ARL13B: variants seen among roughly 807,000 people sequenced by gnomAD.
ARL13B encodes ARF like GTPase 13B.
In ARL13B, 36 loss-of-function variants were observed where a neutral mutation model predicts 56.1. The ratio of observed to expected loss-of-function variants is 0.64; its 90% confidence interval spans 0.49 to 0.85. The LOEUF (loss-of-function observed/expected upper bound fraction) is 0.85, where lower values mean the gene tolerates loss of function less well. ARL13B is among the 40% of genes least tolerant of loss of function. The pLI is 0.00. For synonymous variants in ARL13B, 178 were observed against 171.1 expected, an observed-to-expected ratio of 1.04 and a Z score of -0.32; for missense variants, 519 against 507.1, an observed-to-expected ratio of 1.02 and a Z score of -0.23.
chr3:94,005,628 T>C (rs2076121005), intron 3 of ARL13B, among the ~76,000 whole-genome samples: 1 of 152,234 alleles, frequency 6.6e-6, no homozygotes, highest in African/African-American at 2.4e-5. Flanking sequence ...TTAGTGAGAA[T>C]TCACAAAGAT....
intron 3 of ARL13B, among the ~76,000 whole-genome samples, chr3:94,020,284 G>A (rs1176128539): frequency 6.6e-6 from 1 of 152,100 alleles, no homozygotes; most frequent in African/African-American, 2.4e-5. Flanking sequence ...CACTAAGTGT[G>A]TTTTATGTTC....
At chr3:94,052,928 T>C (rs2077089382) in intron 9 of ARL13B, among the ~76,000 whole-genome samples, 1 of 152,060 alleles carries the variant, frequency 6.6e-6, no homozygotes, top group African/African-American at 2.4e-5. Context: ...ATAAGTAATA[T>C]GTGATTAATG....
chr3:94,050,791 CA>C (rs2077054496), intron 8 of ARL13B, 32 bp from the exon 9 acceptor site: 5 of 1,586,946 alleles, frequency 3.2e-6, no homozygotes, highest in Non-Finnish European at 4.3e-6. Context: ...CCTTGTTTAA[CA>C]GTGTTTTTTA....
chr3:94,029,293 A>G (rs1277621488), intron 3 of ARL13B, among the ~76,000 whole-genome samples: 7 of 132,450 alleles, frequency 5.3e-5, no homozygotes, highest in South Asian at 2.4e-4. Context: ...TGCTGTATCT[A>G]TCAAAATCAT....
rs759625669 is a variant in ARL13B, at chr3:94,003,730, A to G, written c.202A>G (p.Thr68Ala). The G allele has an allele frequency of 1.2e-6, 2 of 1,613,596 alleles. No homozygotes were observed. ...INLRQGKFEV[T>A]IFDLGGGIRI... ...CCTTAGACAAGGAAAGTTTGAAGTC[A>G]CCATCTTTGACTTGGGAGGTGGAAT... is the stretch of plus-strand genomic sequence containing the variant. The change falls in exon 3 of 10, where the codon ACC (threonine) becomes GCC (alanine). Residue 68 changes from threonine (T) to alanine (A), a missense_variant. Coordinates refer to ENST00000394222, the MANE Select transcript of ARL13B (RefSeq NM_001174150.2).
In ARL13B at chr3:93,980,430, A is replaced by AGTTG. The variant is rs1350882093; in HGVS notation, c.9_10insTGGT (p.Leu4TrpfsTer28). The AGTTG allele has an allele frequency of 3.1e-6, 5 of 1,612,652 alleles. No individual in the cohort carries two copies. Among genetic ancestry groups the AGTTG allele is most frequent in the Non-Finnish European group, 4.2e-6 (5 of 1,179,968 alleles). ...GTGGGAGGAGCGACCCGGGATGTTC[A>AGTTG]GTCTGATGGCCAGTTGCTGCGGCTG... On this transcript the variant is annotated frameshift_variant, in exon 1 of 10. Transcript: ENST00000394222. LOFTEE classifies it high-confidence loss of function.
intron 9 of ARL13B, among the ~76,000 whole-genome samples, chr3:94,051,521 A>T (rs1022792291): frequency 1.3e-5 from 2 of 152,152 alleles, no homozygotes; most frequent in African/African-American, 4.8e-5. Flanking sequence ...AAACTAGAGG[A>T]AGGATATTTA....
chr3:94,003,535 A>T, intron 2 of ARL13B, 124 bp from the exon 3 acceptor site: 2 of 1,128,536 alleles, frequency 1.8e-6, no homozygotes, highest in Non-Finnish European at 2.5e-6. Flanking sequence ...GTATGCTTCA[A>T]AATAATGTTT....
chr3:93,981,629 C>G (rs1384900411), intron 1 of ARL13B, among the ~76,000 whole-genome samples: 1 of 151,976 alleles, frequency 6.6e-6, no homozygotes, highest in Non-Finnish European at 1.5e-5. Flanking sequence ...CGCCTGTAAT[C>G]CCAGCACTTT....
At chr3:94,006,174 AGTCCCAG>A (rs2076131538) in intron 3 of ARL13B, among the ~76,000 whole-genome samples, 1 of 152,088 alleles carries the variant, frequency 6.6e-6, no homozygotes, top group South Asian at 2.1e-4. Flanking sequence ...GCGCGCCTGT[AGTCCCAG>A]CTACTCGGGA....
chr3:94,023,933 C>T (rs2076503351), intron 3 of ARL13B, among the ~76,000 whole-genome samples: 1 of 152,088 alleles, frequency 6.6e-6, no homozygotes, highest in Admixed American at 6.6e-5. Flanking sequence ...GATCACTTTA[C>T]ACTATAAAAG....
At chr3:94,029,339 TTTTTTTTTTA>T (rs2076627705) in intron 3 of ARL13B, among the ~76,000 whole-genome samples, 1 of 45,720 alleles carries the variant, frequency 2.2e-5, no homozygotes, top group East Asian at 4.0e-4. Context: ...TATATATTTA[TTTTTTTTTTA>T]TTTTTTTTTT....
intron 6 of ARL13B, among the ~76,000 whole-genome samples, chr3:94,040,242 C>CA (rs1336280862): frequency 3.9e-5 from 6 of 152,078 alleles, no homozygotes; most frequent in Admixed American, 6.6e-5. Context: ...TTGACTGTAG[C>CA]AATTATTATA....
intron 3 of ARL13B, among the ~76,000 whole-genome samples, chr3:94,025,322 TC>T (rs1274516945): frequency 6.6e-6 from 1 of 151,902 alleles, no homozygotes; most frequent in African/African-American, 2.4e-5. Context: ...GGAAATAGAA[TC>T]AGGTTTCCTT....
chr3:94,046,314 C>G (rs1042784710), intron 7 of ARL13B, among the ~76,000 whole-genome samples: 5 of 152,050 alleles, frequency 3.3e-5, no homozygotes, highest in African/African-American at 1.2e-4. Context: ...CTGGCAATCA[C>G]TGATCTGCTT....
chr3:94,034,015 A>G (rs2076722909), intron 3 of ARL13B, among the ~76,000 whole-genome samples: 1 of 152,154 alleles, frequency 6.6e-6, no homozygotes, highest in African/African-American at 2.4e-5. Context: ...GAGTTAAGTG[A>G]TAAGTAACGT....
At chr3:93,985,843 A>G (rs1342272326) in intron 1 of ARL13B, among the ~76,000 whole-genome samples, 1 of 152,176 alleles carries the variant, frequency 6.6e-6, no homozygotes, top group African/African-American at 2.4e-5. Flanking sequence ...GCTTTACTTC[A>G]AATTTATTAG....
At chr3:94,002,074 C>T (rs1377595276) in intron 2 of ARL13B, among the ~76,000 whole-genome samples, 1 of 152,134 alleles carries the variant, frequency 6.6e-6, no homozygotes, top group Non-Finnish European at 1.5e-5. Context: ...GTTTCTCAGT[C>T]ACACCTAAGT....
chr3:94,050,166 G>GAAA (rs77813443), intron 8 of ARL13B, among the ~76,000 whole-genome samples: 10 of 90,378 alleles, frequency 1.1e-4, no homozygotes, highest in Non-Finnish European at 1.3e-4. Flanking sequence ...TCCATCTCGG[G>GAAA]AAAAAAAAAA....
Sources: gnomAD v4.1 joint callset for allele counts (sites outside exome capture counted in the v4.1 genomes callset) on GRCh38, gnomAD v4.1.1 for gene constraint, MANE v1.5 for transcripts, NCBI Gene and HGNC (gene_info 2026-07-23, HGNC 2026-07-21) for gene names.